Variants in MLLT3 observed in about 807,000 individuals in gnomAD.
The protein encoded by MLLT3 is MLLT3 super elongation complex subunit, also known as protein AF-9.
MLLT3 carries 4 observed loss-of-function variants against 53.2 expected under a neutral mutation model. The ratio of observed to expected loss-of-function variants is 0.08; its 90% CI spans 0.04 to 0.17. The LOEUF is 0.17. Ranked by LOEUF, MLLT3 falls within the 10% of genes least tolerant of loss-of-function variation. The pLI, the probability that MLLT3 is intolerant of heterozygous loss-of-function variation, is 1.00. For synonymous variants in MLLT3, 283 were observed against 230.6 expected (o/e 1.23, Z -2.06); for missense variants, 569 against 684.0 (o/e 0.83, Z 1.87).
rs557154149 is a variant in MLLT3, at chr9:20,534,034, AT to A, written c.194-77249del. ...ATGGCACAATGTACACGTATATCAAATCATCAGGCTGTATAACTTGTACTCA... is the reference window on the plus strand; with the variant it reads ...ATGGCACAATGTACACGTATATCAAACATCAGGCTGTATAACTTGTACTCA... On this transcript the variant is annotated intron_variant, in intron 2 of 10. Transcript: ENST00000380338. Among the ~76,000 whole-genome samples the A allele has an allele frequency of 5.9e-5, 9 of 152,342 alleles. No individual in the cohort carries two copies. In the South Asian group the frequency reaches 1.9e-3, roughly 32 times the overall value.
At chr9:20,578,049 A>C (rs913235130) in intron 2 of MLLT3, among the ~76,000 whole-genome samples, 9 of 152,190 alleles carry the variant, frequency 5.9e-5, no homozygotes, top group Admixed American at 3.3e-4. Flanking sequence ...ACATACTACT[A>C]AACAGAAAAG....
intron 2 of MLLT3, among the ~76,000 whole-genome samples, chr9:20,569,350 C>G (rs960764827): frequency 1.3e-4 from 20 of 152,100 alleles, no homozygotes; most frequent in Admixed American, 9.8e-4. Context: ...TTTCGAGACC[C>G]AGAAAGCCTC....
chr9:20,590,026 GC>G (rs1018378676), intron 2 of MLLT3, among the ~76,000 whole-genome samples: 2 of 152,310 alleles, frequency 1.3e-5, no homozygotes, highest in Admixed American at 6.5e-5. Flanking sequence ...CCTCTGTGGA[GC>G]TGAGTTACCC....
chr9:20,369,530 C>T (rs1039085302), intron 5 of MLLT3, among the ~76,000 whole-genome samples: 1 of 152,088 alleles, frequency 6.6e-6, no homozygotes, highest in African/African-American at 2.4e-5. Flanking sequence ...GTGGGGGAGA[C>T]ACCTTAAACT....
chr9:20,398,208 C>A (rs576828459), intron 5 of MLLT3, among the ~76,000 whole-genome samples: 180 of 152,056 alleles, frequency 1.2e-3, no homozygotes, highest in African/African-American at 4.1e-3. Context: ...TAATCCCTCA[C>A]CTCAGTCTCT....
intron 4 of MLLT3, among the ~76,000 whole-genome samples, chr9:20,433,924 C>G (rs148148990): frequency 1.1e-3 from 163 of 150,266 alleles, no homozygotes; most frequent in African/African-American, 3.6e-3. Context: ...ACCATACTGG[C>G]CAACATGATG....
intron 4 of MLLT3, among the ~76,000 whole-genome samples, chr9:20,446,789 C>A (rs192181722): frequency 1.8e-3 from 279 of 152,232 alleles, no homozygotes; most frequent in African/African-American, 6.5e-3. Flanking sequence ...CAAACAACTT[C>A]TTTAATAAAA....
chr9:20,348,244 C>T lies in MLLT3; in HGVS notation c.1576-1670G>A, dbSNP rs527448578. 1.5e-4 allele frequency among the ~76,000 whole-genome samples: 23 copies of T among 152,130 alleles called. No homozygotes were observed. In the South Asian group the frequency reaches 3.3e-3, roughly 22 times the overall value. On this transcript the variant is annotated intron_variant, in intron 10 of 10. Transcript: ENST00000380338. The stretch of plus-strand genomic sequence containing the variant: ...TTATTCCTTAATTTTTTTTTATTAA[C>T]GGAAGGCCGTTTTTCTGAGAGCTGC...
intron 5 of MLLT3, among the ~76,000 whole-genome samples, chr9:20,379,871 G>C (rs1821864458): frequency 6.6e-6 from 1 of 151,972 alleles, no homozygotes; most frequent in Non-Finnish European, 1.5e-5. Context: ...ACTAGCAAAA[G>C]CAGTTAACCA....
chr9:20,575,555 G>T (rs1233230853), intron 2 of MLLT3, among the ~76,000 whole-genome samples: 2 of 152,162 alleles, frequency 1.3e-5, no homozygotes, highest in Middle Eastern at 3.2e-3. Context: ...CCCACAGACT[G>T]CAGAATAGAT....
At chr9:20,391,565 C>A (rs1822180296) in intron 5 of MLLT3, among the ~76,000 whole-genome samples, 1 of 152,196 alleles carries the variant, frequency 6.6e-6, no homozygotes, top group Non-Finnish European at 1.5e-5. Context: ...AGGGAATCAT[C>A]ATCTCATCTC....
chr9:20,589,261 AGGATGAGTTCATGTCCTTTGTAGGGACAT>A (rs987554723), intron 2 of MLLT3, among the ~76,000 whole-genome samples: 8 of 151,980 alleles, frequency 5.3e-5, no homozygotes, highest in Non-Finnish European at 1.2e-4. Flanking sequence ...AGCCATAAAA[AGGATGAGTTCATGTCCTTTGTAGGGACAT>A]GGAGGAAATT....
At chr9:20,376,075 A>C (rs1821757507) in intron 5 of MLLT3, among the ~76,000 whole-genome samples, 1 of 152,140 alleles carries the variant, frequency 6.6e-6, no homozygotes, top group South Asian at 2.1e-4. Context: ...CTTCAATATA[A>C]ATCCCATAAT....
intron 2 of MLLT3, among the ~76,000 whole-genome samples, chr9:20,478,371 C>T (rs1236559809): frequency 6.6e-6 from 1 of 152,068 alleles, no homozygotes; most frequent in Admixed American, 6.6e-5. Context: ...TTAGCACTGT[C>T]CCTCAGTGAC....
chr9:20,481,717 T>G (rs1824667737), intron 2 of MLLT3, among the ~76,000 whole-genome samples: 1 of 152,138 alleles, frequency 6.6e-6, no homozygotes, highest in African/African-American at 2.4e-5. Flanking sequence ...CAGTTAAAAC[T>G]CCCTTCCACT....
intron 5 of MLLT3, chr9:20,380,284 A>G (rs977829495): frequency 2.6e-5 from 4 of 151,738 alleles, no homozygotes; most frequent in Admixed American, 1.3e-4. Context: ...TCTCTCTTCA[A>G]TTTTCTCTTC....
chr9:20,395,813 C>T (rs1288542422), intron 5 of MLLT3, among the ~76,000 whole-genome samples: 2 of 152,138 alleles, frequency 1.3e-5, no homozygotes, highest in African/African-American at 2.4e-5. Flanking sequence ...TAGATTAAAA[C>T]ATGCCAGCCA....
chr9:20,588,526 G>A (rs145964463), intron 2 of MLLT3, among the ~76,000 whole-genome samples: 4,554 of 152,172 alleles, frequency 0.03, 174 homozygotes, highest in East Asian at 0.14. Flanking sequence ...CTTGAGCAGC[G>A]GTTTGTAGTT....
intron 5 of MLLT3, among the ~76,000 whole-genome samples, chr9:20,378,311 A>T (rs965742263): frequency 6.6e-6 from 1 of 152,038 alleles, no homozygotes; most frequent in African/African-American, 2.4e-5. Context: ...TTACCTGCTC[A>T]AATCTTAATT....
Sources: gnomAD v4.1 joint callset for allele counts (sites outside exome capture counted in the v4.1 genomes callset) on GRCh38, gnomAD v4.1.1 for gene constraint, MANE v1.5 for transcripts, NCBI Gene and HGNC (gene_info 2026-07-23, HGNC 2026-07-21) for gene names.